The following MORC1 variants were observed in gnomAD, a reference collection of about 807,000 sequenced individuals.
MORC1 encodes the protein MORC family CW-type zinc finger protein 1.
In MORC1, 59 loss-of-function variants were observed where a neutral mutation model predicts 134.9. The observed-to-expected ratio is 0.44, with a 90% CI of 0.35 to 0.54. The LOEUF (loss-of-function observed/expected upper bound fraction) is 0.54, where lower values mean the gene tolerates loss of function less well. Ranked by LOEUF, MORC1 falls within the 20% of genes least tolerant of loss-of-function variation. MORC1 has a pLI of 0.00. For synonymous variants in MORC1, 395 were observed against 391.7 expected (o/e 1.01, Z -0.10); for missense variants, 947 against 1,134.5 (o/e 0.83, Z 2.37).
In MORC1 at chr3:109,049,056, A is replaced by C. The variant is rs539687612; in HGVS notation, c.1330+5672T>G. ...TCAAAAACTGAATTAAAAAGATATG[A>C]ACTGTTTCTCAGACTACATCTGCAA... On this transcript the variant is annotated intron_variant, in intron 14 of 27. Transcript: ENST00000232603. 2.3e-5 allele frequency: 18 copies of C among 774,208 alleles called. No homozygotes were observed. The South Asian group carries it at 8.2e-4, about 35-fold the overall frequency. 48.0% of individuals were successfully genotyped at this position (774,208 alleles called of 1,614,324 possible). A position where few individuals can be genotyped will look rare whatever the true frequency, so the allele number is the denominator to read the frequency against.
chr3:109,002,266 C>T (rs1163977062), intron 20 of MORC1, among the ~76,000 whole-genome samples: 2 of 152,202 alleles, frequency 1.3e-5, no homozygotes, highest in African/African-American at 4.8e-5. Flanking sequence ...AAACACAACG[C>T]AGTCAGGCAC....
intron 12 of MORC1, among the ~76,000 whole-genome samples, chr3:109,058,777 C>T (rs867841223): frequency 2.0e-4 from 30 of 151,950 alleles, no homozygotes; most frequent in African/African-American, 6.5e-4. Flanking sequence ...TTACAGGATA[C>T]GACATAGTCA....
chr3:109,045,988 C>A (rs529682419), intron 14 of MORC1, among the ~76,000 whole-genome samples: 1 of 152,186 alleles, frequency 6.6e-6, no homozygotes, highest in East Asian at 1.9e-4. Flanking sequence ...ACTTTTAGAA[C>A]CCCCACCCTC....
chr3:109,050,440 G>T (rs1238719767), intron 14 of MORC1, among the ~76,000 whole-genome samples: 1 of 152,092 alleles, frequency 6.6e-6, no homozygotes, highest in Non-Finnish European at 1.5e-5. Context: ...GGGATAAGGG[G>T]TCTCTCTTGG....
intron 14 of MORC1, among the ~76,000 whole-genome samples, chr3:109,045,957 G>T (rs1052879500): frequency 6.6e-6 from 1 of 152,022 alleles, no homozygotes; most frequent in Admixed American, 6.5e-5. Flanking sequence ...TAAGTGTGAG[G>T]ACCTCCGTAT....
chr3:109,013,646 T>A (rs947981067), intron 17 of MORC1, among the ~76,000 whole-genome samples: 1 of 152,218 alleles, frequency 6.6e-6, no homozygotes, highest in Non-Finnish European at 1.5e-5. Context: ...TCTCTTCTAT[T>A]CTTCCTGTGG....
chr3:109,105,971 GTTCTGTTTAGTCCTCC>G (rs1245225069), intron 3 of MORC1, among the ~76,000 whole-genome samples: 4 of 152,078 alleles, frequency 2.6e-5, no homozygotes, highest in Admixed American at 2.0e-4. Flanking sequence ...TAAAGTACTT[GTTCTGTTTAGTCCTCC>G]CTCAAAGGCT....
chr3:109,033,471 G>C (rs1263703023), intron 15 of MORC1, among the ~76,000 whole-genome samples: 2 of 151,966 alleles, frequency 1.3e-5, no homozygotes, highest in Non-Finnish European at 2.9e-5. Context: ...TTGCCTTTAG[G>C]ACGAAGGCAC....
At chr3:109,037,289 C>A (rs1182006410) in intron 14 of MORC1, among the ~76,000 whole-genome samples, 1 of 152,150 alleles carries the variant, frequency 6.6e-6, no homozygotes, top group Non-Finnish European at 1.5e-5. Flanking sequence ...GCTTCCTTAG[C>A]CTTTGAGGGT....
In MORC1 at chr3:108,996,286, G is replaced by GCGCGCGCGCGCACACACACACACACA; in HGVS notation, c.2187+4270_2187+4271insTGTGTGTGTGTGTGTGCGCGCGCGCG. On this transcript the variant is annotated intron_variant, in intron 21 of 27. Coordinates refer to ENST00000232603, the MANE Select transcript of MORC1 (RefSeq NM_014429.4). ...CATGTGCGCGTGCGTGCGCGCGCGCGCACACACACACACACACACACAACT... is the reference window on the plus strand; with the variant it reads ...CATGTGCGCGTGCGTGCGCGCGCGCGCGCGCGCGCGCACACACACACACACACACACACACACACACACACACAACT... Among the ~76,000 whole-genome samples, 131 of 146,458 alleles carry GCGCGCGCGCGCACACACACACACACA rather than the reference G, an allele frequency of 8.9e-4. 1 individual carries two copies. The highest frequency in any genetic ancestry group is 3.5e-3 in the Middle Eastern group (1 of 282).
chr3:108,977,225 T>G (rs1947588088), intron 24 of MORC1, among the ~76,000 whole-genome samples: 2 of 152,188 alleles, frequency 1.3e-5, no homozygotes, highest in South Asian at 4.1e-4. Context: ...TGTTAGTTCC[T>G]CCAAGTTTCA....
chr3:108,974,807 A>T (rs2715739), intron 24 of MORC1, among the ~76,000 whole-genome samples: 1 of 152,074 alleles, frequency 6.6e-6, no homozygotes, highest in East Asian at 1.9e-4. Flanking sequence ...TCTTAAAGAT[A>T]TCTTCCAAAG....
chr3:109,095,755 G>A (rs1391505591), intron 6 of MORC1, among the ~76,000 whole-genome samples: 1 of 152,120 alleles, frequency 6.6e-6, no homozygotes, highest in Non-Finnish European at 1.5e-5. Flanking sequence ...TCTGTAGGCA[G>A]AAGACTAGGA....
At chr3:109,019,291 C>T (rs1432009049) in intron 17 of MORC1, among the ~76,000 whole-genome samples, 2 of 152,180 alleles carry the variant, frequency 1.3e-5, no homozygotes, top group Non-Finnish European at 2.9e-5. Flanking sequence ...CTTCAAAGAG[C>T]TCGTAAGCAT....
At chr3:109,036,484 T>C (rs554972535) in intron 14 of MORC1, among the ~76,000 whole-genome samples, 168 of 152,224 alleles carry the variant, frequency 1.1e-3, no homozygotes, top group Non-Finnish European at 1.9e-3. Flanking sequence ...TCTTAGCACT[T>C]TGAGTATCTG....
intron 13 of MORC1, among the ~76,000 whole-genome samples, chr3:109,056,470 G>A (rs547182984): frequency 4.1e-4 from 62 of 152,196 alleles, no homozygotes; most frequent in Non-Finnish European, 7.5e-4. Context: ...CTCGTGATCC[G>A]CCCACCTCGG....
At chr3:109,023,449 A>C (rs540452567) in intron 17 of MORC1, among the ~76,000 whole-genome samples, 1 of 152,360 alleles carries the variant, frequency 6.6e-6, no homozygotes, top group African/African-American at 2.4e-5. Flanking sequence ...GATTATGCAA[A>C]TACACTACTC....
intron 17 of MORC1, among the ~76,000 whole-genome samples, chr3:109,027,373 C>T (rs1459594749): frequency 6.6e-6 from 1 of 152,092 alleles, no homozygotes; most frequent in Non-Finnish European, 1.5e-5. Context: ...AAAACCCTCC[C>T]TCAGGGAAGA....
At chr3:109,062,133 T>G in intron 10 of MORC1, 75 bp from the exon 11 acceptor site, 1 of 1,322,062 alleles carries the variant, frequency 7.6e-7, no homozygotes, top group Middle Eastern at 2.1e-4. Flanking sequence ...TTTCTATACA[T>G]GTAGCATGAC....
Sources: allele counts gnomAD v4.1 joint callset (sites outside exome capture counted in the v4.1 genomes callset), GRCh38; gene constraint gnomAD v4.1.1; transcripts MANE v1.5; gene names NCBI Gene and HGNC (gene_info 2026-07-23, HGNC 2026-07-21).